Variants in AFF2 observed in about 807,000 individuals in gnomAD.
AFF2 encodes ALF transcription elongation factor 2, also known as AF4/FMR2 family member 2.
In AFF2, 14 loss-of-function variants were observed where a neutral mutation model predicts 76.9. That is an observed-to-expected ratio of 0.18 (90% CI 0.12 to 0.28). The LOEUF is 0.28. AFF2 is among the 10% of genes least tolerant of loss of function. AFF2 has a pLI of 1.00. For synonymous variants in AFF2, 398 were observed against 366.7 expected (o/e 1.09, Z -0.98); for missense variants, 868 against 1,001.1 (o/e 0.87, Z 1.79).
At chrX:148,557,816 C>A (rs1321507003) in intron 1 of AFF2, among the ~76,000 whole-genome samples, 2 of 112,307 alleles carry the variant, frequency 1.8e-5, no homozygotes, top group African/African-American at 6.5e-5. Context: ...TGAGCACTTA[C>A]CATTAGTCAG....
chrX:148,762,016 T>G (rs868914846), intron 3 of AFF2, among the ~76,000 whole-genome samples: 1 of 104,773 alleles, frequency 9.5e-6, no homozygotes, highest in Non-Finnish European at 2.0e-5. Context: ...TATAGATAGA[T>G]ATATATTTTA....
intron 20 of AFF2, among the ~76,000 whole-genome samples, chrX:148,990,381 G>C (rs1034631427): frequency 3.9e-4 from 44 of 112,384 alleles, no homozygotes; most frequent in African/African-American, 1.3e-3. Context: ...AGCTGAGGCT[G>C]CTTCCTTTGC....
rs376241914 is a variant in AFF2 at position 148,527,575 on chromosome X, T to G, written c.47+26431T>G. On this transcript the variant is annotated intron_variant, in intron 1 of 20. Coordinates refer to ENST00000370460, the MANE Select transcript of AFF2 (RefSeq NM_002025.4). ...ATTGTGGTTATGTAGGAGAATGTTC[T>G]TTTTTTAGGCGATACACAATGTTGG... 6.7e-4 allele frequency among the ~76,000 whole-genome samples: 75 copies of G among 111,837 alleles called. 1 individual carries two copies. In the South Asian group the frequency reaches 0.027, roughly 40 times the overall value.
intron 1 of AFF2, among the ~76,000 whole-genome samples, chrX:148,542,079 G>A (rs891640253): frequency 9.1e-6 from 1 of 109,794 alleles, no homozygotes; most frequent in South Asian, 3.9e-4. Flanking sequence ...TGAATAACTT[G>A]TGTTTATTCT....
chrX:148,985,926 G>A (rs1253607749), intron 19 of AFF2, among the ~76,000 whole-genome samples: 1 of 110,852 alleles, frequency 9.0e-6, no homozygotes, highest in East Asian at 2.9e-4. Context: ...CAGCCTGTGT[G>A]AGTCTCAAGA....
chrX:148,964,731 C>T (rs1321193251), intron 13 of AFF2, among the ~76,000 whole-genome samples: 3 of 111,865 alleles, frequency 2.7e-5, no homozygotes, highest in Non-Finnish European at 5.6e-5. Context: ...TGTGAATGTA[C>T]TTAACATGAC....
At chrX:148,671,663 C>A (rs1373161553) in intron 3 of AFF2, among the ~76,000 whole-genome samples, 1 of 111,604 alleles carries the variant, frequency 9.0e-6, no homozygotes, top group Non-Finnish European at 1.9e-5. Flanking sequence ...TGCCGGCACA[C>A]ATTCAGAACA....
chrX:148,852,069 T>G (rs1557275436), intron 7 of AFF2, among the ~76,000 whole-genome samples: 1 of 111,771 alleles, frequency 8.9e-6, no homozygotes, highest in Non-Finnish European at 1.9e-5. Flanking sequence ...TTCTTTTATA[T>G]GGCTGCATAG....
chrX:148,567,001 A>G (rs1261919139), intron 1 of AFF2, among the ~76,000 whole-genome samples: 1 of 111,797 alleles, frequency 8.9e-6, no homozygotes, highest in South Asian at 3.7e-4. Context: ...ATGCTGGACT[A>G]TGAACTCCAG....
At chrX:148,530,922 C>T (rs2052722096) in intron 1 of AFF2, among the ~76,000 whole-genome samples, 1 of 111,633 alleles carries the variant, frequency 9.0e-6, no homozygotes, top group Admixed American at 9.5e-5. Flanking sequence ...AGGTGTTCAG[C>T]TGAGTGCTGT....
rs781945867 is a variant in AFF2, at chrX:148,991,360, G to C, written c.*28G>C. ...GGTGTTCTCAGATCTCTAGCATCAC[G>C]ACCCATCACTCTACCTCTACCAGCG... On this transcript the variant is annotated 3_prime_UTR_variant, in exon 21 of 21. Transcript: ENST00000370460. 1.7e-6 allele frequency: 2 copies of C among 1,176,014 alleles called. No individual in the cohort carries two copies. The highest frequency in any genetic ancestry group is 2.3e-5 in the Admixed American group (1 of 43,720).
chrX:148,513,529 A>G (rs782015498), intron 1 of AFF2, among the ~76,000 whole-genome samples: 1 of 111,897 alleles, frequency 8.9e-6, no homozygotes, highest in African/African-American at 3.2e-5. Context: ...CAAAATTAGA[A>G]GAAGGGGGAG....
chrX:148,726,179 T>C (rs2055152533), intron 3 of AFF2, among the ~76,000 whole-genome samples: 1 of 112,214 alleles, frequency 8.9e-6, no homozygotes, highest in Non-Finnish European at 1.9e-5. Context: ...ATCCCTGCCA[T>C]GAGGGGCCGC....
intron 4 of AFF2, among the ~76,000 whole-genome samples, chrX:148,831,898 ACCT>A (rs1478874540): frequency 2.7e-5 from 3 of 111,785 alleles, no homozygotes; most frequent in African/African-American, 9.8e-5. Flanking sequence ...AGTCATTAAC[ACCT>A]CCTCTATACA....
chrX:148,512,851 T>C (rs1246902714), intron 1 of AFF2, among the ~76,000 whole-genome samples: 1 of 112,172 alleles, frequency 8.9e-6, no homozygotes, highest in East Asian at 2.8e-4. Flanking sequence ...TTTATTCCTA[T>C]CCTAAACATT....
At chrX:148,540,561 C>T (rs781820140) in intron 1 of AFF2, among the ~76,000 whole-genome samples, 1 of 110,779 alleles carries the variant, frequency 9.0e-6, no homozygotes, top group South Asian at 3.9e-4. Context: ...AGTGTCATTC[C>T]CATCAACCCA....
rs1557288994 is a variant in AFF2 at position 148,967,686 on chromosome X, T to C, written c.3261T>C (p.Asp1087=). ...CTAAGAAGCTGAAGCACAAAGCTGA[T>C]GCACTGGTAAGTTTCCTTTTTCTCA... ...QEAKKLKHKA[D]ALFEKFGKAV... is the part of the protein sequence containing the mutation. Residue 1087 remains aspartate, a synonymous_variant, in exon 15 of 21, where the codon GAT becomes GAC. Transcript: ENST00000370460. 2 of 1,206,842 alleles carry C rather than the reference T, an allele frequency of 1.7e-6. No individual in the cohort carries two copies. Among genetic ancestry groups the C allele is most frequent in the Non-Finnish European group, 2.2e-6 (2 of 891,409 alleles).
Position 148,857,174 on chromosome X carries a change from G to A in AFF2, c.1262+13741G>A, listed in dbSNP as rs1013143161. ...AATATATAAGTGCATAGTTGTAACAGTGGCTTAGTAAACATATTGCTGAGT... is the reference window on the plus strand; with the variant it reads ...AATATATAAGTGCATAGTTGTAACAATGGCTTAGTAAACATATTGCTGAGT... On this transcript the variant is annotated intron_variant, in intron 7 of 20. Transcript: ENST00000370460. Among the ~76,000 whole-genome samples the A allele has an allele frequency of 2.7e-5, 3 of 112,121 alleles. No individual in the cohort carries two copies. In the Admixed American group the frequency reaches 2.8e-4, roughly 11 times the overall value.
intron 1 of AFF2, among the ~76,000 whole-genome samples, chrX:148,595,250 A>G (rs143001364): frequency 5.3e-4 from 59 of 112,291 alleles, no homozygotes; most frequent in African/African-American, 1.8e-3. Context: ...CAGACACTCA[A>G]GATCTCAGAG....
Sources: gnomAD v4.1 joint callset for allele counts (sites outside exome capture counted in the v4.1 genomes callset) on GRCh38, gnomAD v4.1.1 for gene constraint, MANE v1.5 for transcripts, NCBI Gene and HGNC (gene_info 2026-07-23, HGNC 2026-07-21) for gene names.